The following PCDHGA11 variants were observed in gnomAD, a reference collection of about 807,000 sequenced individuals.
PCDHGA11 encodes protocadherin gamma subfamily A, 11.
A neutral mutation model predicts 60.4 loss-of-function variants in PCDHGA11; 39 were observed. The ratio of observed to expected loss-of-function variants is 0.65; its 90% CI spans 0.50 to 0.84. PCDHGA11 has a LOEUF of 0.84. Ranked by LOEUF, PCDHGA11 falls within the 40% of genes least tolerant of loss-of-function variation. PCDHGA11 has a pLI of 0.00. For missense variants in PCDHGA11, 1,165 were observed against 1,197.7 expected (o/e 0.97, Z 0.40); for synonymous variants, 533 against 510.3 (o/e 1.04, Z -0.60).
In PCDHGA11 at chr5:141,487,265, G is replaced by A; in HGVS notation, c.2434-7542G>A. 2 of 1,614,158 alleles carry A rather than the reference G, an allele frequency of 1.2e-6. 1 individual carries two copies. Among genetic ancestry groups the A allele is most frequent in the South Asian group, 2.2e-5 (2 of 91,084 alleles). On this transcript the variant is annotated intron_variant, in intron 1 of 3. Transcript: ENST00000398587. The surrounding 1 kb of genome is among the most constrained non-coding windows in gnomAD (Gnocchi z 5.0). Reference sequence around the variant, plus strand: ...AACCCTCTACTTGGCTGTGTCCCTAGTGGCAATTTGCTTTGTCTCCTTTGG... The same window carrying A: ...AACCCTCTACTTGGCTGTGTCCCTAATGGCAATTTGCTTTGTCTCCTTTGG...
intron 1 of PCDHGA11, chr5:141,478,814 C>T (rs1271237848): frequency 6.9e-7 from 1 of 1,451,050 alleles, no homozygotes; most frequent in East Asian, 2.5e-5. Context: ...GCTATCACAA[C>T]TAACCAATCT....
At position 141,494,758 on chromosome 5, in the gene PCDHGA11, T is replaced by C. The variant is rs370692038; in HGVS notation, c.2434-49T>C. ...CCATCCCTAGGGGCTCGGGTGACAT[T>C]CTAACTTCTCACGGGTACTCAGCCC... On this transcript the variant is annotated intron_variant, in intron 1 of 3. Transcript: ENST00000398587. The C allele has an allele frequency of 1.3e-5, 21 of 1,613,682 alleles. No homozygotes were observed. The African/African-American group carries it at 2.7e-4, about 21-fold the overall frequency.
intron 1 of PCDHGA11, among the ~76,000 whole-genome samples, chr5:141,472,908 C>T (rs1369506606): frequency 1.3e-5 from 2 of 149,744 alleles, no homozygotes; most frequent in African/African-American, 2.5e-5. Context: ...ATTGCTTGAA[C>T]CCAAGAGGAG....
chr5:141,510,949 G>C lies in PCDHGA11; in HGVS notation c.2584G>C (p.Ala862Pro), dbSNP rs762789865. The C allele has an allele frequency of 2.2e-5, 36 of 1,614,012 alleles. No homozygotes were observed. The highest frequency in any genetic ancestry group is 3.0e-5 in the Non-Finnish European group (35 of 1,180,020). ...CTGATCTTCCTCTGTCTCTGCAGAA[G>C]CTGCTGATGGGAGCTCCACCCTGGG... ...QAMILASASE[A>P]ADGSSTLGGG... is the part of the protein sequence containing the mutation. The change falls in exon 4 of 4, where the codon GCT (alanine) becomes CCT (proline). Residue 862 changes from alanine (A) to proline (P), a missense_variant and splice_region_variant. Coordinates refer to ENST00000398587, the MANE Select transcript of PCDHGA11 (RefSeq NM_018914.3).
chr5:141,470,707 TA>T (rs1207543665), intron 1 of PCDHGA11, among the ~76,000 whole-genome samples: 1 of 152,164 alleles, frequency 6.6e-6, no homozygotes, highest in African/African-American at 2.4e-5. Flanking sequence ...ATTTTTATTT[TA>T]TTTTTTTGAG....
chr5:141,473,017 A>AGAAG (rs1484773075), intron 1 of PCDHGA11, among the ~76,000 whole-genome samples: 3 of 151,764 alleles, frequency 2.0e-5, no homozygotes, highest in African/African-American at 4.8e-5. Flanking sequence ...AGAAAAAGAA[A>AGAAG]GAAGGAAGGA....
intron 1 of PCDHGA11, among the ~76,000 whole-genome samples, chr5:141,451,717 A>G (rs2098722445): frequency 6.6e-6 from 1 of 152,166 alleles, no homozygotes; most frequent in Non-Finnish European, 1.5e-5. Context: ...CCCTGCCTCT[A>G]CTAAAAATAC....
chr5:141,495,973 A>C (rs2099764953), intron 2 of PCDHGA11, among the ~76,000 whole-genome samples: 1 of 146,988 alleles, frequency 6.8e-6, no homozygotes, highest in African/African-American at 2.5e-5. Context: ...TTTCTCTGTT[A>C]CTCTTTCTTT....
chr5:141,501,475 G>A (rs1305778190), intron 2 of PCDHGA11, among the ~76,000 whole-genome samples: 5 of 152,014 alleles, frequency 3.3e-5, no homozygotes, highest in Admixed American at 3.3e-4. Flanking sequence ...AATCCTGGAA[G>A]AGTCCCTCAT....
At chr5:141,492,237 C>G (rs2099738580) in intron 1 of PCDHGA11, among the ~76,000 whole-genome samples, 1 of 152,206 alleles carries the variant, frequency 6.6e-6, no homozygotes, top group Admixed American at 6.5e-5. Flanking sequence ...TCCCTGCTGG[C>G]CACCCCCACG....
At position 141,491,291 on chromosome 5, in the gene PCDHGA11, C is replaced by G; in HGVS notation, c.2434-3516C>G. On this transcript the variant is annotated intron_variant, in intron 1 of 3. Coordinates refer to ENST00000398587, the MANE Select transcript of PCDHGA11 (RefSeq NM_018914.3). The surrounding 1 kb of genome is among the most constrained non-coding windows in gnomAD (Gnocchi z 6.9). ...AAATCCAGTGACTTCCTCATACACCCTCCTGAGCGTTCAGACCTTACCCTT... is the reference window on the plus strand; with the variant it reads ...AAATCCAGTGACTTCCTCATACACCGTCCTGAGCGTTCAGACCTTACCCTT... 2 of 1,614,152 alleles carry G rather than the reference C, an allele frequency of 1.2e-6. No homozygotes were observed. The highest frequency in any genetic ancestry group is 1.7e-6 in the Non-Finnish European group (2 of 1,179,974).
intron 1 of PCDHGA11, chr5:141,424,664 A>G (rs923488035): frequency 1.3e-5 from 2 of 152,124 alleles, no homozygotes; most frequent in African/African-American, 4.8e-5. Context: ...CTTTAATTAA[A>G]CTGATTTAGC....
At chr5:141,505,576 T>C in intron 3 of PCDHGA11, 95 bp downstream of exon 3, 5 of 1,590,334 alleles carry the variant, frequency 3.1e-6, no homozygotes, top group Admixed American at 1.7e-5. Context: ...ATGTCAAACC[T>C]GTGTAGTTTC....
At chr5:141,499,880 G>A (rs1177287013) in intron 2 of PCDHGA11, among the ~76,000 whole-genome samples, 1 of 151,886 alleles carries the variant, frequency 6.6e-6, no homozygotes, top group African/African-American at 2.4e-5. Flanking sequence ...TACAAACAGG[G>A]TTTCGCCATG....
In PCDHGA11 at chr5:141,432,413, G is replaced by A; in HGVS notation, c.2433+8753G>A. 1.2e-6 allele frequency: 2 copies of A among 1,614,232 alleles called. No homozygotes were observed. The highest frequency in any genetic ancestry group is 2.2e-5 in the South Asian group (2 of 91,082). Reference sequence around the variant, plus strand: ...CAGCAACGTGTCGTTGAGCCTGTTCGTGCTGGACCAGAACGACAATGCGCC... The same window carrying A: ...CAGCAACGTGTCGTTGAGCCTGTTCATGCTGGACCAGAACGACAATGCGCC... On this transcript the variant is annotated intron_variant, in intron 1 of 3. Coordinates refer to ENST00000398587, the MANE Select transcript of PCDHGA11 (RefSeq NM_018914.3). The surrounding 1 kb of genome is among the most constrained non-coding windows in gnomAD (Gnocchi z 6.0).
At chr5:141,498,793 T>C (rs2154592354) in intron 2 of PCDHGA11, among the ~76,000 whole-genome samples, 1 of 152,028 alleles carries the variant, frequency 6.6e-6, no homozygotes, top group Non-Finnish European at 1.5e-5. Context: ...ATTAGCCAGG[T>C]GTGGTGGTGC....
intron 1 of PCDHGA11, among the ~76,000 whole-genome samples, chr5:141,429,326 T>A (rs571458414): frequency 6.6e-6 from 1 of 152,230 alleles, no homozygotes; most frequent in East Asian, 1.9e-4. Context: ...TTTTCTTTAA[T>A]CCATTAACTA....
chr5:141,498,284 G>A (rs1339639509), intron 2 of PCDHGA11, among the ~76,000 whole-genome samples: 1 of 152,004 alleles, frequency 6.6e-6, no homozygotes, highest in Non-Finnish European at 1.5e-5. Flanking sequence ...CTTGGTTCAA[G>A]ATCAAGCCAG....
In PCDHGA11 at chr5:141,491,406, C is replaced by G. The variant is rs773729429; in HGVS notation, c.2434-3401C>G. On this transcript the variant is annotated intron_variant, in intron 1 of 3. Transcript: ENST00000398587. This position sits in a 1 kb window ranked among gnomAD's most constrained non-coding sequence, Gnocchi z 6.9. ...CGAAGTGCCTTCAGGGAAACGCAGA[C>G]GGGGACGGGGGTGGAGGGCAGTGCT... 9 of 1,613,978 alleles carry G rather than the reference C, an allele frequency of 5.6e-6. No homozygotes were observed.
Sources: allele counts gnomAD v4.1 joint callset (sites outside exome capture counted in the v4.1 genomes callset), GRCh38; gene constraint gnomAD v4.1.1; non-coding constraint Gnocchi (gnomAD v3.1); transcripts MANE v1.5; gene names NCBI Gene and HGNC (gene_info 2026-07-23, HGNC 2026-07-21).